Variants in ARHGEF7 observed in about 807,000 individuals in gnomAD.
ARHGEF7 encodes the protein PAK-interacting exchange factor beta.
Under a neutral mutation model 109.8 loss-of-function variants are expected in ARHGEF7, and 33 were observed. The ratio of observed to expected loss-of-function variants is 0.30; its 90% CI spans 0.23 to 0.40. The LOEUF (loss-of-function observed/expected upper bound fraction) is 0.40, where lower values mean the gene tolerates loss of function less well. ARHGEF7 is among the 10% of genes least tolerant of loss of function. The pLI, the probability that ARHGEF7 is intolerant of heterozygous loss-of-function variation, is 1.00. For missense variants in ARHGEF7, 938 were observed against 1,098.5 expected, an observed-to-expected ratio of 0.85 and a Z score of 2.07; for synonymous variants, 458 against 424.6, an observed-to-expected ratio of 1.08 and a Z score of -0.97.
At position 111,283,380 on chromosome 13, in the gene ARHGEF7, A is replaced by C. The variant is rs769811899; in HGVS notation, c.1950+17A>C. ...TACAAGGAGGTGAGGTCCCTTGACC[A>C]CTCAAACAGCCAGATGACGGTGAGC... On this transcript the variant is annotated intron_variant, in intron 16 of 21. Transcript: ENST00000646102. The C allele has an allele frequency of 2.0e-5, 31 of 1,538,144 alleles. No homozygotes were observed. Among genetic ancestry groups the C allele is most frequent in the Non-Finnish European group, 2.4e-5 (27 of 1,146,162 alleles).
chr13:111,117,028 G>C (rs2066835883), intron 1 of ARHGEF7, among the ~76,000 whole-genome samples: 1 of 152,190 alleles, frequency 6.6e-6, no homozygotes, highest in South Asian at 2.1e-4. Context: ...TGACTTTCAA[G>C]GCATTCAAAA....
intron 2 of ARHGEF7, among the ~76,000 whole-genome samples, chr13:111,172,605 C>G (rs58689565): frequency 0.036 from 5,495 of 152,284 alleles, 340 homozygotes; most frequent in African/African-American, 0.13. Flanking sequence ...TTTTAAAAAA[C>G]CAGCCTCTTT....
Position 111,145,548 on chromosome 13 carries a change from GCTGT to G in ARHGEF7, c.166-8353_166-8350del, listed in dbSNP as rs1287694082. 6.6e-6 allele frequency among the ~76,000 whole-genome samples: 1 copy of G among 152,190 alleles called. No homozygotes were observed. The highest frequency in any genetic ancestry group is 1.5e-5 in the Non-Finnish European group (1 of 68,044). On this transcript the variant is annotated intron_variant, in intron 1 of 21. Transcript: ENST00000646102. The surrounding 1 kb of genome is among the most constrained non-coding windows in gnomAD (Gnocchi z 4.3). Reference sequence around the variant, plus strand: ...TGTGTTGGTAAATGTTAAACACCTGGCTGTCTGGGAGGGGTGGCCCTGGCGTGTA... The same window carrying G: ...TGTGTTGGTAAATGTTAAACACCTGGCTGGGAGGGGTGGCCCTGGCGTGTA...
At chr13:111,263,805 C>T (rs922214764) in intron 8 of ARHGEF7, among the ~76,000 whole-genome samples, 5 of 134,720 alleles carry the variant, frequency 3.7e-5, no homozygotes, top group East Asian at 1.9e-4. Flanking sequence ...TCTTAAAGGG[C>T]GTGTTCTTCC....
chr13:111,134,721 A>C (rs369873793), intron 1 of ARHGEF7, among the ~76,000 whole-genome samples: 3,821 of 152,180 alleles, frequency 0.025, 45 homozygotes, highest in Middle Eastern at 0.041. Flanking sequence ...AGATTGCAAA[A>C]ATTTTCTTCC....
chr13:111,115,416 C>A lies in ARHGEF7; in HGVS notation c.-111C>A. ...GGCCGCGCCGAGCCAATCGCCGGCGCCGGCCGCTCGATGGGCGAGGCGGCG... is the reference window on the plus strand; with the variant it reads ...GGCCGCGCCGAGCCAATCGCCGGCGACGGCCGCTCGATGGGCGAGGCGGCG... On this transcript the variant is annotated 5_prime_UTR_variant, in exon 1 of 22. Coordinates refer to ENST00000646102, the MANE Select transcript of ARHGEF7 (RefSeq NM_001354046.2). The A allele has an allele frequency of 2.3e-6, 2 of 853,106 alleles. No homozygotes were observed. Among genetic ancestry groups the A allele is most frequent in the Non-Finnish European group, 2.8e-6 (2 of 712,028 alleles). The allele number at this position is 853,106 out of a possible 1,614,324, so 52.8% of individuals were successfully genotyped here.
intron 5 of ARHGEF7, among the ~76,000 whole-genome samples, chr13:111,223,857 C>CTTT (rs2084807599): frequency 1.4e-5 from 2 of 141,314 alleles, no homozygotes; most frequent in African/African-American, 5.4e-5. Flanking sequence ...ATTTCTATAG[C>CTTT]ATTTTTTTTT....
chr13:111,284,723 A>T (rs956184304), intron 16 of ARHGEF7, among the ~76,000 whole-genome samples: 2 of 152,170 alleles, frequency 1.3e-5, no homozygotes, highest in Non-Finnish European at 2.9e-5. Flanking sequence ...GTTGCTGAGC[A>T]CCGCCCAGCA....
intron 8 of ARHGEF7, among the ~76,000 whole-genome samples, chr13:111,247,556 C>T (rs1401857559): frequency 3.9e-5 from 6 of 152,178 alleles, no homozygotes; most frequent in Non-Finnish European, 8.8e-5. Context: ...CAGGCGTGAG[C>T]AACCACGCCT....
chr13:111,254,618 G>A lies in ARHGEF7; in HGVS notation c.950+10324G>A, dbSNP rs374085128. On this transcript the variant is annotated intron_variant, in intron 8 of 21. Coordinates refer to ENST00000646102, the MANE Select transcript of ARHGEF7 (RefSeq NM_001354046.2). ...AGGATTCGGGCTAAGGCGCTGAGTC[G>A]CTAACGTGAAGGCCGGGCCCAGAAG... Among the ~76,000 whole-genome samples, 434 of 132,820 alleles carry A rather than the reference G, an allele frequency of 3.3e-3. 2 individuals are homozygous for A. The highest frequency in any genetic ancestry group is 0.011 in the African/African-American group (366 of 32,226). 87.1% of individuals were successfully genotyped at this position (132,820 alleles called of 152,430 possible).
At chr13:111,180,995 G>A (rs1315000742) in intron 2 of ARHGEF7, among the ~76,000 whole-genome samples, 1 of 152,212 alleles carries the variant, frequency 6.6e-6, no homozygotes, top group East Asian at 1.9e-4. Flanking sequence ...AGGCCGTTGA[G>A]TGTAGTGAAA....
At position 111,173,012 on chromosome 13, in the gene ARHGEF7, C is replaced by G. The variant is rs573527979; in HGVS notation, c.252+19021C>G. Among the ~76,000 whole-genome samples the G allele has an allele frequency of 1.4e-4, 21 of 152,334 alleles. No homozygotes were observed. The South Asian group carries it at 4.4e-3, about 32-fold the overall frequency. ...CTCAACCTGTGTATAGAAATAAAAA[C>G]TGCAGAAAAGTATATGAAAAAACCA... On this transcript the variant is annotated intron_variant, in intron 2 of 21. Transcript: ENST00000646102.
intron 2 of ARHGEF7, among the ~76,000 whole-genome samples, chr13:111,163,678 C>T (rs944827594): frequency 6.6e-6 from 1 of 152,070 alleles, no homozygotes; most frequent in African/African-American, 2.4e-5. Flanking sequence ...AGACTACAGG[C>T]ATGCACCACT....
intron 5 of ARHGEF7, among the ~76,000 whole-genome samples, chr13:111,222,729 C>T (rs536396030): frequency 6.6e-6 from 1 of 152,334 alleles, no homozygotes; most frequent in Admixed American, 6.5e-5. Flanking sequence ...ACGCCCAGCC[C>T]AGTCTGAGTT....
intron 5 of ARHGEF7, among the ~76,000 whole-genome samples, chr13:111,218,516 G>A (rs946177392): frequency 6.6e-6 from 1 of 152,194 alleles, no homozygotes; most frequent in Non-Finnish European, 1.5e-5. Context: ...ACAATCATGT[G>A]TGTCACTTTA....
chr13:111,273,521 T>C lies in ARHGEF7; in HGVS notation c.1074-293T>C, dbSNP rs987454607. On this transcript the variant is annotated intron_variant, in intron 9 of 21. Coordinates refer to ENST00000646102, the MANE Select transcript of ARHGEF7 (RefSeq NM_001354046.2). This position sits in a 1 kb window ranked among gnomAD's most constrained non-coding sequence, Gnocchi z 4.5. The stretch of plus-strand genomic sequence containing the variant: ...TCCATTGGATATGTCTGCATGGCAC[T>C]GATGTGCTGGAGGACCTCGCCATCA... Among the ~76,000 whole-genome samples, 10 of 152,378 alleles carry C rather than the reference T, an allele frequency of 6.6e-5. No individual in the cohort carries two copies. Among genetic ancestry groups the C allele is most frequent in the South Asian group, 2.1e-4 (1 of 4,834 alleles).
At chr13:111,297,093 G>C (rs376315944) in intron 19 of ARHGEF7, among the ~76,000 whole-genome samples, 5,440 of 152,282 alleles carry the variant, frequency 0.036, 130 homozygotes, top group Non-Finnish European at 0.052. Context: ...TGTTAAATCT[G>C]CTTTCTAAAA....
intron 19 of ARHGEF7, among the ~76,000 whole-genome samples, chr13:111,298,189 A>T (rs771645664): frequency 1.3e-5 from 2 of 152,210 alleles, no homozygotes; most frequent in Non-Finnish European, 2.9e-5. Flanking sequence ...CTTTATGAAT[A>T]TTCTGGATTT....
chr13:111,254,633 G>A (rs112504797), intron 8 of ARHGEF7, among the ~76,000 whole-genome samples: 4 of 137,490 alleles, frequency 2.9e-5, no homozygotes, highest in Admixed American at 1.4e-4. Flanking sequence ...CGTGAAGGCC[G>A]GGCCCAGAAG....
Sources: allele counts gnomAD v4.1 joint callset (sites outside exome capture counted in the v4.1 genomes callset), GRCh38; gene constraint gnomAD v4.1.1; non-coding constraint Gnocchi (gnomAD v3.1); transcripts MANE v1.5; gene names NCBI Gene and HGNC (gene_info 2026-07-23, HGNC 2026-07-21).